FAT4: variants seen among roughly 807,000 people sequenced by gnomAD.
FAT4 encodes protocadherin Fat 4.
Under a neutral mutation model 303.9 loss-of-function variants are expected in FAT4, and 84 were observed. That is an observed-to-expected ratio of 0.28 (90% CI 0.23 to 0.33). The LOEUF is 0.33. FAT4 is among the 10% of genes least tolerant of loss of function. FAT4 has a pLI of 1.00. For missense variants in FAT4, 6,005 were observed against 6,146.8 expected, an observed-to-expected ratio of 0.98 and a Z score of 0.77; for synonymous variants, 2,307 against 2,298.8, an observed-to-expected ratio of 1.00 and a Z score of -0.10.
At chr4:125,482,366 A>C (rs886839634) in intron 16 of FAT4, among the ~76,000 whole-genome samples, 1 of 152,094 alleles carries the variant, frequency 6.6e-6, no homozygotes, top group Admixed American at 6.6e-5. Flanking sequence ...GCTTTTACAT[A>C]ATTTGTTTTT....
intron 9 of FAT4, among the ~76,000 whole-genome samples, chr4:125,448,216 G>A (rs1725895377): frequency 6.6e-6 from 1 of 152,086 alleles, no homozygotes; most frequent in South Asian, 2.1e-4. Flanking sequence ...ATACTGAAAA[G>A]TATTAAATCC....
intron 2 of FAT4, among the ~76,000 whole-genome samples, chr4:125,344,526 G>T (rs1731924541): frequency 6.6e-6 from 1 of 152,080 alleles, no homozygotes; most frequent in Admixed American, 6.5e-5. Context: ...GTGCTGAAAA[G>T]AAGTTTGATC....
At chr4:125,348,063 A>T (rs1030181685) in intron 2 of FAT4, among the ~76,000 whole-genome samples, 1 of 151,836 alleles carries the variant, frequency 6.6e-6, no homozygotes, top group African/African-American at 2.4e-5. Context: ...CACATCACTC[A>T]GTCCCTGAAC....
At chr4:125,382,746 A>G (rs1733589948) in intron 2 of FAT4, among the ~76,000 whole-genome samples, 1 of 152,224 alleles carries the variant, frequency 6.6e-6, no homozygotes, top group African/African-American at 2.4e-5. Context: ...CTCATGTGGC[A>G]TCTACCAGTA....
intron 2 of FAT4, among the ~76,000 whole-genome samples, chr4:125,380,431 A>G (rs1486338469): frequency 6.6e-6 from 1 of 152,194 alleles, no homozygotes; most frequent in Non-Finnish European, 1.5e-5. Context: ...AGTTTAAGGG[A>G]AATGTAATGT....
Position 125,488,087 on chromosome 4 carries a change from G to C in FAT4, c.13084+481G>C, listed in dbSNP as rs189434031. Among the ~76,000 whole-genome samples, 751 of 152,266 alleles carry C rather than the reference G, an allele frequency of 4.9e-3. 11 individuals are homozygous for C. The highest frequency in any genetic ancestry group is 4.7e-3 in the Admixed American group (72 of 15,296). The stretch of plus-strand genomic sequence containing the variant: ...AGAATTCTAAAATATAGTGAAAAAA[G>C]AGAAAGGAAGGGGAATTTTGCTGTG... On this transcript the variant is annotated intron_variant, in intron 17 of 17. Transcript: ENST00000394329.
chr4:125,475,431 T>C (rs1726995016), intron 12 of FAT4, among the ~76,000 whole-genome samples: 1 of 152,128 alleles, frequency 6.6e-6, no homozygotes, highest in South Asian at 2.1e-4. Flanking sequence ...AGTATTCATA[T>C]GTTCTACTAA....
At chr4:125,488,374 A>G (rs1436708674) in intron 17 of FAT4, among the ~76,000 whole-genome samples, 1 of 152,146 alleles carries the variant, frequency 6.6e-6, no homozygotes, top group East Asian at 1.9e-4. Flanking sequence ...TTAGATATGC[A>G]GTAATATTAC....
intron 7 of FAT4, among the ~76,000 whole-genome samples, chr4:125,417,770 T>A (rs1023934409): frequency 6.6e-6 from 1 of 152,168 alleles, no homozygotes; most frequent in Non-Finnish European, 1.5e-5. Flanking sequence ...TAATTAAACC[T>A]TGTTTCAAAG....
rs1365281052 is a variant in FAT4, at chr4:125,318,171, G to A, written c.1760G>A (p.Gly587Glu). 1 of 1,614,052 alleles carries A rather than the reference G, an allele frequency of 6.2e-7. No individual in the cohort carries two copies. Among genetic ancestry groups the A allele is most frequent in the African/African-American group, 1.3e-5 (1 of 74,924 alleles). ...AAGCCAGTATTTAGCCAGCCAGAAG[G>A]GTATGATGTGTCTGTGGTTGAGAAT... ...DEKPVFSQPE[G>E]YDVSVVENAP... The change falls in exon 2 of 18, where the codon GGG (glycine) becomes GAG (glutamate). Residue 587 changes from glycine to glutamate, a missense_variant. Transcript: ENST00000394329.
intron 16 of FAT4, among the ~76,000 whole-genome samples, chr4:125,483,651 T>C (rs1008167394): frequency 6.6e-6 from 1 of 151,724 alleles, no homozygotes; most frequent in African/African-American, 2.4e-5. Context: ...GGAAAGTAAG[T>C]GCAAATTAAT....
chr4:125,488,961 G>T (rs995012165), intron 17 of FAT4, among the ~76,000 whole-genome samples: 1 of 151,902 alleles, frequency 6.6e-6, no homozygotes. Flanking sequence ...CAGGAGTATA[G>T]GAACAAAAAG....
chr4:125,318,670 A>G lies in FAT4; in HGVS notation c.2259A>G (p.Arg753=), dbSNP rs1730761387. The change falls in exon 2 of 18, where the codon AGA becomes AGG. Residue 753 remains arginine (R), a synonymous_variant. Transcript: ENST00000394329. ...GVISTRMALD[R]EEKTAYQLQI... is the part of the protein sequence containing the mutation. The stretch of plus-strand genomic sequence containing the variant: ...TTTCTACAAGAATGGCCCTAGACAG[A>G]GAAGAAAAAACAGCTTATCAGTTGC... 2 of 1,614,024 alleles carry G rather than the reference A, an allele frequency of 1.2e-6. No homozygotes were observed. The highest frequency in any genetic ancestry group is 1.7e-6 in the Non-Finnish European group (2 of 1,180,032).
chr4:125,481,810 C>A, intron 16 of FAT4, 72 bp downstream of exon 16: 1 of 1,326,910 alleles, frequency 7.5e-7, no homozygotes, highest in Non-Finnish European at 1.1e-6. Context: ...TCACTTCCCC[C>A]ATAATTTCTG....
chr4:125,451,404 C>A lies in FAT4; in HGVS notation c.10394C>A (p.Thr3465Asn). 6.2e-7 allele frequency: 1 copy of A among 1,614,110 alleles called. No individual in the cohort carries two copies. The highest frequency in any genetic ancestry group is 1.3e-5 in the African/African-American group (1 of 75,012). Residue 3465 changes from threonine (T) to asparagine (N), a missense_variant, in exon 10 of 18, where the codon ACC (threonine) becomes AAC (asparagine). Transcript: ENST00000394329. The stretch of plus-strand genomic sequence containing the variant: ...ATTAATCCGCAGACAGGACAGATCA[C>A]CGTTACTGCAGAATTAGATCGAGAA... ...FSINPQTGQI[T>N]VTAELDRETL...
rs367933238 is a variant in FAT4, at chr4:125,434,198, T to G, written c.7019-47T>G. 170 of 1,561,228 alleles carry G rather than the reference T, an allele frequency of 1.1e-4. No homozygotes were observed. The Middle Eastern group carries it at 1.7e-3, about 16-fold the overall frequency. ...TACAGCTAATTTTTGTTAAATTTGT[T>G]ATTTTTTGTTTATAAACATTGAGAC... On this transcript the variant is annotated intron_variant, in intron 7 of 17. Transcript: ENST00000394329.
chr4:125,429,890 G>A (rs1229963890), intron 7 of FAT4, among the ~76,000 whole-genome samples: 3 of 152,100 alleles, frequency 2.0e-5, no homozygotes, highest in Non-Finnish European at 4.4e-5. Context: ...TAAAGTAATA[G>A]TAAACATTAT....
intron 7 of FAT4, among the ~76,000 whole-genome samples, chr4:125,428,682 A>G (rs1260180768): frequency 6.6e-6 from 1 of 152,200 alleles, no homozygotes; most frequent in Non-Finnish European, 1.5e-5. Flanking sequence ...ACATATGTGC[A>G]TACATATGTA....
intron 2 of FAT4, among the ~76,000 whole-genome samples, chr4:125,343,294 C>T (rs1731869918): frequency 6.6e-6 from 1 of 151,976 alleles, no homozygotes; most frequent in African/African-American, 2.4e-5. Context: ...TACGTTAAAC[C>T]ATATCTCTGC....
Sources: gnomAD v4.1 joint callset for allele counts (sites outside exome capture counted in the v4.1 genomes callset) on GRCh38, gnomAD v4.1.1 for gene constraint, MANE v1.5 for transcripts, NCBI Gene and HGNC (gene_info 2026-07-23, HGNC 2026-07-21) for gene names.